Variants in NEDD9 observed in about 807,000 individuals in gnomAD.
NEDD9 encodes the protein enhancer of filamentation 1.
NEDD9 carries 26 observed loss-of-function variants against 76.6 expected under a neutral mutation model. The observed-to-expected ratio is 0.34, with a 90% confidence interval of 0.25 to 0.47. The LOEUF (loss-of-function observed/expected upper bound fraction) is 0.47, where lower values mean the gene tolerates loss of function less well. Ranked by LOEUF, NEDD9 falls within the 20% of genes least tolerant of loss-of-function variation. The pLI is 1.00. For missense variants in NEDD9, 937 were observed against 1,058.5 expected, an observed-to-expected ratio of 0.89 and a Z score of 1.59; for synonymous variants, 392 against 414.2, an observed-to-expected ratio of 0.95 and a Z score of 0.65.
intron 1 of NEDD9, among the ~76,000 whole-genome samples, chr6:11,339,575 A>G (rs945323577): frequency 2.6e-5 from 4 of 152,244 alleles, no homozygotes; most frequent in Non-Finnish European, 5.9e-5. Flanking sequence ...CCACCAGATC[A>G]TATTTCACCA....
chr6:11,202,236 C>T (rs755432442), intron 2 of NEDD9, among the ~76,000 whole-genome samples: 3 of 152,146 alleles, frequency 2.0e-5, no homozygotes, highest in Non-Finnish European at 2.9e-5. Flanking sequence ...TCTAATTCCT[C>T]CCCAGCCCCT....
intron 1 of NEDD9, among the ~76,000 whole-genome samples, chr6:11,225,080 G>A (rs957293025): frequency 6.6e-6 from 1 of 152,132 alleles, no homozygotes; most frequent in East Asian, 1.9e-4. Flanking sequence ...GGGTTTCACA[G>A]ATAATTAATC....
intron 1 of NEDD9, among the ~76,000 whole-genome samples, chr6:11,361,258 T>C (rs1030269684): frequency 6.6e-6 from 1 of 152,152 alleles, no homozygotes; most frequent in African/African-American, 2.4e-5. Flanking sequence ...CCTCTTTATC[T>C]TCTGTATTAG....
At chr6:11,318,171 G>T (rs1582023983) in intron 2 of NEDD9, among the ~76,000 whole-genome samples, 3 of 152,290 alleles carry the variant, frequency 2.0e-5, no homozygotes, top group East Asian at 3.9e-4. Context: ...CACACCATCA[G>T]CTCTCTTGGG....
chr6:11,326,247 G>A (rs144807563), intron 2 of NEDD9, among the ~76,000 whole-genome samples: 1 of 151,988 alleles, frequency 6.6e-6, no homozygotes, highest in Non-Finnish European at 1.5e-5. Context: ...CGGGTATTTA[G>A]CTCTGCTGTG....
chr6:11,377,012 A>G (rs1167841524), intron 1 of NEDD9, among the ~76,000 whole-genome samples: 1 of 152,254 alleles, frequency 6.6e-6, no homozygotes, highest in Non-Finnish European at 1.5e-5. Flanking sequence ...AGCCTTGGTG[A>G]TTGCCACATG....
intron 3 of NEDD9, chr6:11,248,875 T>A: frequency 2.9e-6 from 1 of 342,262 alleles, no homozygotes; most frequent in South Asian, 2.3e-5. Context: ...CTTGATGAAG[T>A]GTCAGCTGTC....
At chr6:11,239,840 T>C (rs1438986357) in intron 3 of NEDD9, among the ~76,000 whole-genome samples, 2 of 151,916 alleles carry the variant, frequency 1.3e-5, no homozygotes, top group Non-Finnish European at 2.9e-5. Flanking sequence ...GGTAAGGAGA[T>C]TGAGACCATC....
intron 2 of NEDD9, chr6:11,199,635 ATCTTTTTTTTTTTT>A (rs1561784222): frequency 1.2e-4 from 12 of 99,228 alleles, no homozygotes; most frequent in African/African-American, 4.1e-4. Flanking sequence ...GCTAGGAAAG[ATCTTTTTTTTTTTT>A]TTTTTTTTTT....
intron 5 of NEDD9, among the ~76,000 whole-genome samples, chr6:11,188,947 ATTTT>A (rs34060597): frequency 6.9e-6 from 1 of 145,966 alleles, no homozygotes; most frequent in African/African-American, 2.5e-5. Context: ...ATCTTGGTAG[ATTTT>A]TTTTTTTTTT....
intron 2 of NEDD9, chr6:11,200,144 T>G: frequency 4.6e-6 from 1 of 218,622 alleles, no homozygotes; most frequent in East Asian, 1.3e-4. Context: ...TTTCTACAGC[T>G]TCTTTGGGTA....
intron 2 of NEDD9, among the ~76,000 whole-genome samples, chr6:11,196,859 C>A (rs1203753135): frequency 6.6e-6 from 1 of 152,062 alleles, no homozygotes; most frequent in Non-Finnish European, 1.5e-5. Context: ...TCAGGGAGCT[C>A]GAAGTCTTCT....
At chr6:11,223,525 C>G (rs1432514568) in intron 1 of NEDD9, among the ~76,000 whole-genome samples, 2 of 151,780 alleles carry the variant, frequency 1.3e-5, no homozygotes, top group Non-Finnish European at 2.9e-5. Flanking sequence ...CAGAAATGAT[C>G]TTATCATGAT....
At chr6:11,286,893 T>C (rs950810598) in intron 3 of NEDD9, among the ~76,000 whole-genome samples, 9 of 152,234 alleles carry the variant, frequency 5.9e-5, no homozygotes, top group South Asian at 4.1e-4. Flanking sequence ...GTGTTTGTTA[T>C]CTTGGTTTTG....
At chr6:11,253,522 T>A (rs1481347078) in intron 3 of NEDD9, among the ~76,000 whole-genome samples, 1 of 152,214 alleles carries the variant, frequency 6.6e-6, no homozygotes, top group African/African-American at 2.4e-5. Context: ...TCACACCGCA[T>A]GGGAATGAAA....
intron 1 of NEDD9, among the ~76,000 whole-genome samples, chr6:11,338,549 A>C (rs1377581531): frequency 6.6e-6 from 1 of 152,198 alleles, no homozygotes; most frequent in Non-Finnish European, 1.5e-5. Flanking sequence ...TTATTGAACT[A>C]TCATTTTGAA....
intron 3 of NEDD9, among the ~76,000 whole-genome samples, chr6:11,267,159 A>C (rs1760215188): frequency 6.6e-6 from 1 of 152,186 alleles, no homozygotes. Flanking sequence ...GCTTTTTCTG[A>C]AATAGGTATC....
At position 11,184,339 on chromosome 6, in the gene NEDD9, A is replaced by G. The variant is rs1193821589; in HGVS notation, c.*823T>C. The G allele has an allele frequency of 1.3e-5, 2 of 152,218 alleles. No homozygotes were observed. The highest frequency in any genetic ancestry group is 4.8e-5 in the African/African-American group (2 of 41,450). 9.4% of individuals were successfully genotyped at this position (152,218 alleles called of 1,614,324 possible). A position where few individuals can be genotyped will look rare whatever the true frequency, so the allele number is the denominator to read the frequency against. On this transcript the variant is annotated 3_prime_UTR_variant, in exon 7 of 7. Transcript: ENST00000379446. Reference sequence around the variant, plus strand: ...AATCTTTGCTGCAAATATGGTTTTTACAACTCTAAAAACATCTTTTGGAAA... The same window carrying G: ...AATCTTTGCTGCAAATATGGTTTTTGCAACTCTAAAAACATCTTTTGGAAA...
chr6:11,345,076 G>T (rs184364515), intron 1 of NEDD9, among the ~76,000 whole-genome samples: 79 of 152,278 alleles, frequency 5.2e-4, no homozygotes, highest in African/African-American at 1.9e-3. Context: ...CTAGAATAGG[G>T]CGGTGGAGAA....
Sources: gnomAD v4.1 joint callset for allele counts (sites outside exome capture counted in the v4.1 genomes callset) on GRCh38, gnomAD v4.1.1 for gene constraint, MANE v1.5 for transcripts, NCBI Gene and HGNC (gene_info 2026-07-23, HGNC 2026-07-21) for gene names.